The following IL1RAPL1 variants were observed in gnomAD, a reference collection of about 807,000 sequenced individuals.
The protein encoded by IL1RAPL1 is interleukin 1 receptor accessory protein like 1.
Under a neutral mutation model 48.4 loss-of-function variants are expected in IL1RAPL1, and 3 were observed. The ratio of observed to expected loss-of-function variants is 0.06; its 90% confidence interval spans 0.03 to 0.16. The LOEUF (loss-of-function observed/expected upper bound fraction) is 0.16. Among genes scored for constraint, IL1RAPL1 ranks in the 10% least tolerant of loss-of-function variants. The pLI is 1.00. For missense variants in IL1RAPL1, 349 were observed against 530.6 expected, an observed-to-expected ratio of 0.66 and a Z score of 3.36; for synonymous variants, 185 against 187.7, an observed-to-expected ratio of 0.99 and a Z score of 0.12.
intron 5 of IL1RAPL1, among the ~76,000 whole-genome samples, chrX:29,442,691 T>C (rs1234660249): frequency 9.1e-6 from 1 of 109,649 alleles, no homozygotes; most frequent in Non-Finnish European, 1.9e-5. Context: ...CTCTTGTCTC[T>C]GTAGAAAATT....
intron 2 of IL1RAPL1, among the ~76,000 whole-genome samples, chrX:29,228,485 G>A (rs1931132809): frequency 9.4e-6 from 1 of 106,901 alleles, no homozygotes. Flanking sequence ...CTCCCGAGTA[G>A]CTGGGATTAC....
chrX:29,413,824 C>T (rs1397831052), intron 5 of IL1RAPL1, among the ~76,000 whole-genome samples: 1 of 110,263 alleles, frequency 9.1e-6, no homozygotes, highest in Non-Finnish European at 1.9e-5. Flanking sequence ...AAATGAATTT[C>T]AATGTCTTTA....
chrX:29,139,248 A>G (rs1344208144), intron 2 of IL1RAPL1, among the ~76,000 whole-genome samples: 6 of 111,534 alleles, frequency 5.4e-5, no homozygotes, highest in African/African-American at 6.5e-5. Flanking sequence ...AAAAAAATTT[A>G]TGGAGCATGA....
At chrX:29,080,998 C>CTT (rs1569232808) in intron 2 of IL1RAPL1, among the ~76,000 whole-genome samples, 43 of 44,736 alleles carry the variant, frequency 9.6e-4, no homozygotes, top group Admixed American at 3.7e-3. Context: ...CTTTCTTTCT[C>CTT]TCTCTCTCTC....
chrX:29,787,031 T>A (rs1248197725), intron 6 of IL1RAPL1, among the ~76,000 whole-genome samples: 1 of 111,874 alleles, frequency 8.9e-6, no homozygotes, highest in Non-Finnish European at 1.9e-5. Context: ...TGAGGGGTCA[T>A]TACTATCCTT....
chrX:29,355,871 G>T (rs1602191341), intron 3 of IL1RAPL1, among the ~76,000 whole-genome samples: 1 of 88,674 alleles, frequency 1.1e-5, no homozygotes, highest in African/African-American at 3.4e-5. Flanking sequence ...TGTTCATTAA[G>T]TAAACAGTAA....
rs373595701 is a variant in IL1RAPL1 at position 29,018,505 on chromosome X, G to A, written c.82+229080G>A. On this transcript the variant is annotated intron_variant, in intron 2 of 10. Transcript: ENST00000378993. ...AAGAACTTGAGTAATCAAGGATTGG[G>A]TCTTAAAGGACAAGTGAACATGTGC... Among the ~76,000 whole-genome samples, 7 of 111,733 alleles carry A rather than the reference G, an allele frequency of 6.3e-5. No homozygotes were observed. In the East Asian group the frequency reaches 2.0e-3, roughly 31 times the overall value.
chrX:28,746,195 T>C (rs771498711), intron 1 of IL1RAPL1, among the ~76,000 whole-genome samples: 13 of 111,196 alleles, frequency 1.2e-4, no homozygotes, highest in Non-Finnish European at 1.5e-4. Context: ...ATGTCCTTTG[T>C]AGGGACATGG....
At chrX:29,324,231 A>G (rs772655629) in intron 3 of IL1RAPL1, among the ~76,000 whole-genome samples, 1 of 111,300 alleles carries the variant, frequency 9.0e-6, no homozygotes, top group East Asian at 2.9e-4. Flanking sequence ...CCTTCCCATC[A>G]TAAGGGTCAC....
intron 5 of IL1RAPL1, among the ~76,000 whole-genome samples, chrX:29,401,914 A>G (rs1933998142): frequency 9.1e-6 from 1 of 109,830 alleles, no homozygotes; most frequent in Admixed American, 9.8e-5. Context: ...TTTCTTTGGG[A>G]AACAGTTTCT....
chrX:29,626,705 C>T (rs993344226), intron 5 of IL1RAPL1, among the ~76,000 whole-genome samples: 2 of 112,039 alleles, frequency 1.8e-5, no homozygotes, highest in African/African-American at 6.5e-5. Flanking sequence ...GAAAAATCAA[C>T]GTCTTGTTTC....
At chrX:29,451,732 A>G (rs776666680) in intron 5 of IL1RAPL1, among the ~76,000 whole-genome samples, 8 of 111,831 alleles carry the variant, frequency 7.2e-5, no homozygotes, top group South Asian at 3.7e-4. Flanking sequence ...ATGTTAAAAA[A>G]TTTTTTGTGA....
chrX:28,722,564 C>G (rs1260273458), intron 1 of IL1RAPL1, among the ~76,000 whole-genome samples: 1 of 111,392 alleles, frequency 9.0e-6, no homozygotes, highest in African/African-American at 3.3e-5. Context: ...TCCTCTTTTC[C>G]TAATTGAATA....
intron 1 of IL1RAPL1, among the ~76,000 whole-genome samples, chrX:28,756,608 T>G (rs1182184921): frequency 1.8e-5 from 2 of 112,212 alleles, no homozygotes; most frequent in Non-Finnish European, 3.8e-5. Context: ...TCATACTTAA[T>G]CACTTTTTCA....
intron 2 of IL1RAPL1, among the ~76,000 whole-genome samples, chrX:28,885,510 AAGAT>A (rs1167421369): frequency 9.0e-6 from 1 of 111,698 alleles, no homozygotes; most frequent in East Asian, 2.8e-4. Context: ...TTGAACATAG[AAGAT>A]AGTCAATATT....
intron 2 of IL1RAPL1, among the ~76,000 whole-genome samples, chrX:29,222,718 A>G (rs1931006147): frequency 9.0e-6 from 1 of 111,470 alleles, no homozygotes; most frequent in East Asian, 2.8e-4. Context: ...TAAGAACCAA[A>G]AACTTATCAG....
chrX:29,526,014 C>T (rs1602278936), intron 5 of IL1RAPL1, among the ~76,000 whole-genome samples: 3 of 111,294 alleles, frequency 2.7e-5, no homozygotes, highest in South Asian at 3.7e-4. Context: ...ATGGAAATAC[C>T]TAATGTAAAG....
intron 6 of IL1RAPL1, among the ~76,000 whole-genome samples, chrX:29,700,821 A>G (rs887821386): frequency 4.5e-5 from 5 of 112,326 alleles, no homozygotes; most frequent in African/African-American, 1.6e-4. Flanking sequence ...CCACTAAAAA[A>G]ATACCAAATA....
intron 1 of IL1RAPL1, among the ~76,000 whole-genome samples, chrX:28,656,764 C>T (rs925940852): frequency 2.7e-5 from 3 of 111,474 alleles, no homozygotes; most frequent in Admixed American, 9.5e-5. Flanking sequence ...TGGTGGCTCA[C>T]GCCTGTAATC....
Sources: gnomAD v4.1 joint callset for allele counts (sites outside exome capture counted in the v4.1 genomes callset) on GRCh38, gnomAD v4.1.1 for gene constraint, MANE v1.5 for transcripts, NCBI Gene and HGNC (gene_info 2026-07-23, HGNC 2026-07-21) for gene names.